LINGO2: variants seen among roughly 807,000 people sequenced by gnomAD.
The protein encoded by LINGO2 is leucine rich repeat and Ig domain containing 2.
A neutral mutation model predicts 30.6 loss-of-function variants in LINGO2; 14 were observed. That is an observed-to-expected ratio of 0.46 (90% CI 0.30 to 0.72). The LOEUF (loss-of-function observed/expected upper bound fraction) is 0.72, where lower values mean the gene tolerates loss of function less well. Among genes scored for constraint, LINGO2 ranks in the 30% least tolerant of loss-of-function variants. The probability of loss-of-function intolerance (pLI) is 0.07; values close to 1 mark genes in which losing one functional copy is unlikely to be tolerated. For synonymous variants in LINGO2, 317 were observed against 288.5 expected (o/e 1.10, Z -1.00); for missense variants, 729 against 751.7 (o/e 0.97, Z 0.35).
At chr9:28,770,148 G>T in the LINGO2 span, among the ~76,000 whole-genome samples, 1 of 152,120 alleles carries the variant, frequency 6.6e-6, no homozygotes, top group African/African-American at 2.4e-5. Context: ...TGTCAGACAA[G>T]GGAGCTCCTT....
chr9:28,589,954 G>C (rs1268322018), intron 1 of LINGO2, among the ~76,000 whole-genome samples: 2 of 152,092 alleles, frequency 1.3e-5, no homozygotes, highest in Non-Finnish European at 2.9e-5. Context: ...GACCAAAACA[G>C]AGATATAGAC....
chr9:28,648,393 T>C (rs1827938436), intron 1 of LINGO2, among the ~76,000 whole-genome samples: 1 of 152,110 alleles, frequency 6.6e-6, no homozygotes, highest in African/African-American at 2.4e-5. Context: ...TAAGGATCGG[T>C]CAATGCATCT....
chr9:28,950,422 G>C, the LINGO2 span, among the ~76,000 whole-genome samples: 1 of 152,022 alleles, frequency 6.6e-6, no homozygotes, highest in Non-Finnish European at 1.5e-5. Flanking sequence ...AAGAAATGAA[G>C]GGTATTCAAA....
At chr9:28,072,792 T>C (rs1825516963) in intron 4 of LINGO2, among the ~76,000 whole-genome samples, 1 of 152,066 alleles carries the variant, frequency 6.6e-6, no homozygotes, top group Non-Finnish European at 1.5e-5. Context: ...CTGTTCTGTT[T>C]TTCAATATAT....
At position 28,319,670 on chromosome 9, in the gene LINGO2, A is replaced by G. The variant is rs958692055; in HGVS notation, c.-245-24304T>C. Among the ~76,000 whole-genome samples the G allele has an allele frequency of 5.9e-5, 9 of 152,126 alleles. No homozygotes were observed. In the East Asian group the frequency reaches 1.7e-3, roughly 29 times the overall value. On this transcript the variant is annotated intron_variant, in intron 3 of 5. Transcript: ENST00000379992. ...ACATTTGGAAAAGACAAAACTATAG[A>G]GGCAGAAAATAGATTGGTTGTTTCC...
chr9:28,029,697 ATAT>A (rs1823568735), intron 4 of LINGO2, among the ~76,000 whole-genome samples: 2 of 152,036 alleles, frequency 1.3e-5, no homozygotes, highest in African/African-American at 4.8e-5. Context: ...GTCAAAACTA[ATAT>A]GTGAAAATTG....
chr9:29,191,963 G>A, the LINGO2 span, among the ~76,000 whole-genome samples: 2 of 151,184 alleles, frequency 1.3e-5, no homozygotes, highest in Non-Finnish European at 2.9e-5. Flanking sequence ...GTATCTCCAG[G>A]TAATTTTATT....
At chr9:28,751,524 T>C in the LINGO2 span, among the ~76,000 whole-genome samples, 2 of 151,902 alleles carry the variant, frequency 1.3e-5, no homozygotes, top group Non-Finnish European at 2.9e-5. Context: ...ACTCCATTAT[T>C]TTAAGTCTTT....
chr9:28,149,453 G>A (rs10125567), intron 4 of LINGO2, among the ~76,000 whole-genome samples: 1,831 of 151,804 alleles, frequency 0.012, 39 homozygotes, highest in African/African-American at 0.042. Context: ...AGTGAGGAGC[G>A]CCTCTGCCCG....
intron 2 of LINGO2, among the ~76,000 whole-genome samples, chr9:28,387,038 C>T (rs1587592620): frequency 1.3e-5 from 2 of 152,290 alleles, no homozygotes; most frequent in East Asian, 1.9e-4. Context: ...GTGAAGCCAG[C>T]TGGACTTCCT....
intron 4 of LINGO2, among the ~76,000 whole-genome samples, chr9:28,087,965 T>C (rs889566156): frequency 6.6e-6 from 1 of 152,002 alleles, no homozygotes; most frequent in African/African-American, 2.4e-5. Context: ...TACAGAATAA[T>C]AGGCATCTGT....
chr9:27,967,468 G>C (rs538819926), intron 5 of LINGO2, among the ~76,000 whole-genome samples: 1 of 152,226 alleles, frequency 6.6e-6, no homozygotes, highest in East Asian at 1.9e-4. Context: ...GGAACATGTA[G>C]TTTAGCTACG....
At chr9:29,004,783 C>T in the LINGO2 span, among the ~76,000 whole-genome samples, 1 of 151,760 alleles carries the variant, frequency 6.6e-6, no homozygotes, top group South Asian at 2.1e-4. Context: ...CACAAAACAT[C>T]AAGAAATCAA....
At chr9:28,420,801 A>G (rs1276860538) in intron 2 of LINGO2, among the ~76,000 whole-genome samples, 1 of 152,080 alleles carries the variant, frequency 6.6e-6, no homozygotes, top group African/African-American at 2.4e-5. Flanking sequence ...GCCCTGTATC[A>G]TAACATTTAT....
In LINGO2 at chr9:28,027,890, C is replaced by T. The variant is rs1042890017; in HGVS notation, c.-86-15485G>A. Among the ~76,000 whole-genome samples, 22 of 152,008 alleles carry T rather than the reference C, an allele frequency of 1.4e-4. 1 individual carries two copies. The highest frequency in any genetic ancestry group is 3.9e-4 in the Admixed American group (6 of 15,248). ...AATTTTTGCCTCAATATGTCTAAGA[C>T]GAAATCTCATGTGTCCAGGATTGGC... On this transcript the variant is annotated intron_variant, in intron 4 of 5. Coordinates refer to ENST00000379992, the Ensembl canonical transcript of LINGO2.
At chr9:28,326,000 A>G (rs866603099) in intron 3 of LINGO2, among the ~76,000 whole-genome samples, 1 of 152,094 alleles carries the variant, frequency 6.6e-6, no homozygotes, top group East Asian at 1.9e-4. Flanking sequence ...CAATTCATAC[A>G]TACAAACTTT....
At chr9:28,924,368 G>A in the LINGO2 span, among the ~76,000 whole-genome samples, 5 of 151,892 alleles carry the variant, frequency 3.3e-5, no homozygotes, top group South Asian at 2.1e-4. Context: ...CCACAGACCC[G>A]CACCACCATG....
At chr9:28,905,121 T>A in the LINGO2 span, among the ~76,000 whole-genome samples, 2 of 151,790 alleles carry the variant, frequency 1.3e-5, no homozygotes, top group African/African-American at 4.8e-5. Flanking sequence ...TATATAAAAA[T>A]CAACTCAAAA....
At chr9:28,044,144 G>A (rs74896309) in intron 4 of LINGO2, among the ~76,000 whole-genome samples, 1,711 of 152,170 alleles carry the variant, frequency 0.011, 21 homozygotes, top group African/African-American at 0.039. Flanking sequence ...CTTAAATCTT[G>A]GGCATGATGC....
Sources: gnomAD v4.1 joint callset for allele counts (sites outside exome capture counted in the v4.1 genomes callset) on GRCh38, gnomAD v4.1.1 for gene constraint, MANE v1.5 for transcripts, NCBI Gene and HGNC (gene_info 2026-07-23, HGNC 2026-07-21) for gene names.